Variants in MORC3 observed in about 807,000 individuals in gnomAD.
The protein encoded by MORC3 is MORC family CW-type zinc finger protein 3.
MORC3 carries 31 observed loss-of-function variants against 109.1 expected under a neutral mutation model. The observed-to-expected ratio is 0.28, with a 90% CI of 0.21 to 0.38. The LOEUF is 0.38. Among genes scored for constraint, MORC3 ranks in the 10% least tolerant of loss-of-function variants. The pLI is 1.00. For missense variants in MORC3, 867 were observed against 1,135.8 expected (o/e 0.76, Z 3.40); for synonymous variants, 395 against 380.7 (o/e 1.04, Z -0.44).
chr21:36,339,424 A>G (rs1372994243), intron 5 of MORC3: 1 of 151,926 alleles, frequency 6.6e-6, no homozygotes, highest in Non-Finnish European at 1.5e-5. Context: ...CGGCCAAAAA[A>G]AAAAATTTTT....
At chr21:36,366,536 A>T (rs769065003) in intron 14 of MORC3, among the ~76,000 whole-genome samples, 4 of 151,872 alleles carry the variant, frequency 2.6e-5, no homozygotes, top group Non-Finnish European at 2.9e-5. Flanking sequence ...GTTTACTGCA[A>T]CCTCTGCCTC....
chr21:36,342,443 C>T (rs751152752), intron 6 of MORC3, among the ~76,000 whole-genome samples: 3 of 152,042 alleles, frequency 2.0e-5, no homozygotes, highest in Non-Finnish European at 4.4e-5. Flanking sequence ...CACTCTCTCA[C>T]CCAGGCTGGA....
chr21:36,345,271 G>C (rs961306611), intron 8 of MORC3, among the ~76,000 whole-genome samples: 1 of 140,802 alleles, frequency 7.1e-6, no homozygotes, highest in Non-Finnish European at 1.5e-5. Context: ...TTTTTGAGAC[G>C]GAGTCTGAGT....
chr21:36,360,289 T>A, intron 12 of MORC3, 31 bp downstream of exon 12: 1 of 1,578,174 alleles, frequency 6.3e-7, no homozygotes, highest in Admixed American at 1.7e-5. Context: ...TAGTGGGTAA[T>A]AATGCCCAGA....
At chr21:36,354,590 A>G (rs1052855041) in intron 9 of MORC3, among the ~76,000 whole-genome samples, 2 of 152,182 alleles carry the variant, frequency 1.3e-5, no homozygotes, top group Non-Finnish European at 2.9e-5. Context: ...GGCGTGAGCC[A>G]CCGTGCCCAG....
chr21:36,344,733 A>T lies in MORC3; in HGVS notation c.885+26A>T. 1.9e-6 allele frequency: 3 copies of T among 1,611,276 alleles called. 1 individual carries two copies. Among genetic ancestry groups the T allele is most frequent in the South Asian group, 1.1e-5 (1 of 90,852 alleles). On this transcript the variant is annotated intron_variant, in intron 7 of 16. Coordinates refer to ENST00000400485, the MANE Select transcript of MORC3 (RefSeq NM_015358.3). ...GTATCCTTTTTCTGATTCCTTATAG[A>T]GATATGTTAGTCAGGTGTATTCTCT...
chr21:36,372,440 G>C lies in MORC3; in HGVS notation c.2575G>C (p.Glu859Gln). ...SQCEELKTEV[E>Q]QLKSTNQQTA... Reference sequence around the variant, plus strand: ...GTGTGAAGAACTCAAAACTGAAGTAGAACAGTTAAAATCTACAAATCAACA... The same window carrying C: ...GTGTGAAGAACTCAAAACTGAAGTACAACAGTTAAAATCTACAAATCAACA... Residue 859 changes from glutamate (E) to glutamine (Q), a missense_variant, in exon 16 of 17, where the codon GAA becomes CAA. Glu to Gln is a conservative substitution (Grantham distance 29). This residue lies in a region of MORC3 where 486 missense variants were observed against 502.1 expected (regional missense o/e 0.97). Transcript: ENST00000400485. 1 of 1,607,464 alleles carries C rather than the reference G, an allele frequency of 6.2e-7. No individual in the cohort carries two copies. The highest frequency in any genetic ancestry group is 8.5e-7 in the Non-Finnish European group (1 of 1,178,740).
intron 1 of MORC3, among the ~76,000 whole-genome samples, chr21:36,323,536 T>TA (rs2085215709): frequency 1.3e-5 from 2 of 152,268 alleles, no homozygotes; most frequent in South Asian, 4.1e-4. Flanking sequence ...GAAACAGGTG[T>TA]AGCTTCCTGA....
intron 9 of MORC3, among the ~76,000 whole-genome samples, chr21:36,353,836 G>T (rs1390590986): frequency 3.7e-5 from 5 of 135,988 alleles, no homozygotes. Flanking sequence ...GACCTCAGGT[G>T]ATCCGGCCAC....
Position 36,364,130 on chromosome 21 carries a change from C to T in MORC3, c.1490C>T (p.Ser497Leu). Residue 497 changes from serine to leucine, a missense_variant, in exon 14 of 17, where the codon TCA becomes TTA. Ser to Leu is a moderately radical substitution (Grantham distance 145). This residue lies in a region of MORC3 where 486 missense variants were observed against 502.1 expected (regional missense o/e 0.97). Transcript: ENST00000400485. ...CTGTTGTTTCGGCCAACTGCTCTTT[C>T]AACTCCAAGCTTTTCTTCTCCTAAG... ...AELLFRPTALSTPSFSSPKES... is the reference protein window; with the variant it reads ...AELLFRPTALLTPSFSSPKES... 6.2e-7 allele frequency: 1 copy of T among 1,614,062 alleles called. No homozygotes were observed. The highest frequency in any genetic ancestry group is 8.5e-7 in the Non-Finnish European group (1 of 1,180,004).
chr21:36,364,161 T>C lies in MORC3; in HGVS notation c.1521T>C (p.Ser507=). The C allele has an allele frequency of 1.9e-6, 3 of 1,614,094 alleles. No homozygotes were observed. The highest frequency in any genetic ancestry group is 2.5e-6 in the Non-Finnish European group (3 of 1,179,936). The stretch of plus-strand genomic sequence containing the variant: ...CAAGCTTTTCTTCTCCTAAGGAAAG[T>C]GTTCCAAGAAGACATCTTTCAGAAG... ...STPSFSSPKE[S]VPRRHLSEGT... Residue 507 remains serine (S), a synonymous_variant, in exon 14 of 17, where the codon AGT becomes AGC. Transcript: ENST00000400485.
intron 1 of MORC3, among the ~76,000 whole-genome samples, chr21:36,333,083 G>A (rs903180711): frequency 6.6e-6 from 1 of 152,088 alleles, no homozygotes; most frequent in Non-Finnish European, 1.5e-5. Flanking sequence ...CACTGCGCCC[G>A]GCCAACAATT....
At chr21:36,340,268 A>G (rs2099167638) in intron 5 of MORC3, among the ~76,000 whole-genome samples, 1 of 143,166 alleles carries the variant, frequency 7.0e-6, no homozygotes, top group South Asian at 2.4e-4. Context: ...AAAGAGCGAG[A>G]CTCTGTCTCA....
chr21:36,327,281 T>C (rs2085259864), intron 1 of MORC3, among the ~76,000 whole-genome samples: 1 of 147,686 alleles, frequency 6.8e-6, no homozygotes, highest in Non-Finnish European at 1.5e-5. Context: ...CACAGCCTCC[T>C]GAGTAGCTGG....
intron 1 of MORC3, among the ~76,000 whole-genome samples, chr21:36,323,213 C>G (rs925676056): frequency 6.6e-6 from 1 of 152,132 alleles, no homozygotes; most frequent in Non-Finnish European, 1.5e-5. Flanking sequence ...TCATGTGTCT[C>G]CATCTCACAT....
At chr21:36,342,105 G>A (rs2085455019) in intron 6 of MORC3, among the ~76,000 whole-genome samples, 1 of 152,026 alleles carries the variant, frequency 6.6e-6, no homozygotes, top group Non-Finnish European at 1.5e-5. Flanking sequence ...GCAGGCACCT[G>A]TAATCCCAGC....
rs1358610732 is a variant in MORC3, at chr21:36,332,433, C to T, written c.40-1213C>T. ...CCTAGGTGACAGAGTGTGATTCTGT[C>T]TCAGAAAAAAAATAGGACAGGCTTC... On this transcript the variant is annotated intron_variant, in intron 1 of 16. Coordinates refer to ENST00000400485, the MANE Select transcript of MORC3 (RefSeq NM_015358.3). 2.6e-5 allele frequency among the ~76,000 whole-genome samples: 4 copies of T among 151,790 alleles called. No individual in the cohort carries two copies. In the East Asian group the frequency reaches 7.7e-4, roughly 29 times the overall value.
At chr21:36,327,026 G>C (rs2085254945) in intron 1 of MORC3, among the ~76,000 whole-genome samples, 1 of 151,832 alleles carries the variant, frequency 6.6e-6, no homozygotes, top group African/African-American at 2.4e-5. Flanking sequence ...TGTTGCCCAG[G>C]CTGGTCTTGA....
chr21:36,341,190 A>C (rs1569094953), intron 5 of MORC3, among the ~76,000 whole-genome samples: 1 of 152,168 alleles, frequency 6.6e-6, no homozygotes, highest in Admixed American at 6.5e-5. Context: ...GTGTTTTCCT[A>C]CCAGCAGTGT....
Sources: allele counts gnomAD v4.1 joint callset (sites outside exome capture counted in the v4.1 genomes callset), GRCh38; gene constraint gnomAD v4.1.1; regional missense constraint gnomAD v4.1.1; transcripts MANE v1.5; gene names NCBI Gene and HGNC (gene_info 2026-07-23, HGNC 2026-07-21).